The following ATP2B2 variants were observed in gnomAD, a reference collection of about 807,000 sequenced individuals.
ATP2B2 encodes ATPase plasma membrane Ca2+ transporting 2, also known as plasma membrane calcium-transporting ATPase 2.
A neutral mutation model predicts 120.0 loss-of-function variants in ATP2B2; 15 were observed. The observed-to-expected ratio is 0.12, with a 90% CI of 0.08 to 0.19. The LOEUF (loss-of-function observed/expected upper bound fraction) is 0.19, where lower values mean the gene tolerates loss of function less well. Ranked by LOEUF, ATP2B2 falls within the 10% of genes least tolerant of loss-of-function variation. The pLI is 1.00. For missense variants in ATP2B2, 1,045 were observed against 1,719.8 expected (o/e 0.61, Z 6.94); for synonymous variants, 694 against 700.3 (o/e 0.99, Z 0.14).
chr3:10,598,107 C>T (rs759131148), intron 2 of ATP2B2, among the ~76,000 whole-genome samples: 1 of 152,148 alleles, frequency 6.6e-6, no homozygotes, highest in Non-Finnish European at 1.5e-5. Context: ...ACACAAAAGT[C>T]TCATGGGAAT....
At chr3:10,439,644 T>C (rs540114971) in intron 2 of ATP2B2, among the ~76,000 whole-genome samples, 2 of 152,326 alleles carry the variant, frequency 1.3e-5, no homozygotes, top group Admixed American at 6.5e-5. Context: ...AGCATTTTTC[T>C]CCAGTATCAG....
intron 12 of ATP2B2, among the ~76,000 whole-genome samples, chr3:10,362,214 C>T (rs1057028550): frequency 6.6e-6 from 1 of 152,230 alleles, no homozygotes; most frequent in Non-Finnish European, 1.5e-5. Flanking sequence ...TCCTCGTCCT[C>T]AGTCTCCCTC....
At chr3:10,661,899 G>A (rs2070791194) in intron 1 of ATP2B2, among the ~76,000 whole-genome samples, 1 of 152,160 alleles carries the variant, frequency 6.6e-6, no homozygotes, top group South Asian at 2.1e-4. Flanking sequence ...TACCAAAAGA[G>A]AGATATAGAC....
In ATP2B2 at chr3:10,551,931, C is replaced by T. The variant is rs184732789; in HGVS notation, c.-414-17798G>A. On this transcript the variant is annotated intron_variant, in intron 2 of 21. Coordinates refer to the ATP2B2 transcript ENST00000646379. ...TAGGGCCCTCAGCAAATGGAAGTTG[C>T]GAACATTAACGCTGCTTTTGAACAA... Among the ~76,000 whole-genome samples, 270 of 152,334 alleles carry T rather than the reference C, an allele frequency of 1.8e-3. 3 individuals carry two copies. Among genetic ancestry groups the T allele is most frequent in the Middle Eastern group, 6.8e-3 (2 of 294 alleles).
chr3:10,668,552 C>T (rs1212129511), intron 1 of ATP2B2, among the ~76,000 whole-genome samples: 1 of 152,088 alleles, frequency 6.6e-6, no homozygotes, highest in Non-Finnish European at 1.5e-5. Context: ...TCCCATCCCA[C>T]AAGATTCTTT....
chr3:10,561,171 T>A (rs1698852145), intron 2 of ATP2B2, among the ~76,000 whole-genome samples: 1 of 152,222 alleles, frequency 6.6e-6, no homozygotes, highest in African/African-American at 2.4e-5. Context: ...TCCACCAGGC[T>A]GAGAGCTCCT....
At chr3:10,420,165 G>A (rs1300708958) in intron 2 of ATP2B2, among the ~76,000 whole-genome samples, 1 of 152,206 alleles carries the variant, frequency 6.6e-6, no homozygotes, top group Non-Finnish European at 1.5e-5. Flanking sequence ...AGGGCACCAC[G>A]TGCTTCATAT....
intron 1 of ATP2B2, among the ~76,000 whole-genome samples, chr3:10,631,525 A>G (rs2069865734): frequency 6.6e-6 from 1 of 152,096 alleles, no homozygotes; most frequent in African/African-American, 2.4e-5. Context: ...TCAAGCTGCC[A>G]CCCCTCTAAT....
chr3:10,451,571 C>G (rs1373056464), intron 1 of ATP2B2, among the ~76,000 whole-genome samples: 1 of 152,188 alleles, frequency 6.6e-6, no homozygotes, highest in Admixed American at 6.5e-5. Flanking sequence ...CCTTAAATGT[C>G]TTACACAAGG....
chr3:10,381,242 C>T (rs984327556), intron 8 of ATP2B2, among the ~76,000 whole-genome samples: 8 of 152,240 alleles, frequency 5.3e-5, no homozygotes, highest in Non-Finnish European at 1.2e-4. Context: ...TGTGTCTCTA[C>T]TGTAAAATTC....
Position 10,553,782 on chromosome 3 carries a change from T to C in ATP2B2, c.-414-19649A>G, listed in dbSNP as rs972659840. On this transcript the variant is annotated intron_variant, in intron 2 of 21. Transcript: ENST00000646379. Reference sequence around the variant, plus strand: ...TGGGTGTTATCGAGATAATCCAAAGTTTCTGTTGGGTAAATATCAACACTT... The same window carrying C: ...TGGGTGTTATCGAGATAATCCAAAGCTTCTGTTGGGTAAATATCAACACTT... 6.6e-5 allele frequency among the ~76,000 whole-genome samples: 10 copies of C among 152,106 alleles called. No individual in the cohort carries two copies. The East Asian group carries it at 7.7e-4, about 12-fold the overall frequency.
chr3:10,367,283 T>C (rs2061090745), intron 12 of ATP2B2, among the ~76,000 whole-genome samples: 1 of 151,976 alleles, frequency 6.6e-6, no homozygotes, highest in South Asian at 2.1e-4. Context: ...GCCCCCTGCC[T>C]GCTTGGTGAA....
In ATP2B2 at chr3:10,606,930, GAGAGAGAGGGAGAGGGAGAGGGGGA is replaced by G. The variant is rs1222538423; in HGVS notation, c.-415+12962_-415+12986del. ...ACACACACAGAGAGAGAGAGAGAGA[GAGAGAGAGGGAGAGGGAGAGGGGGA>G]GGGGGGGAGAGAGAGAGAGAGAGAA... On this transcript the variant is annotated intron_variant, in intron 2 of 21. Coordinates refer to the ATP2B2 transcript ENST00000646379. 5.2e-4 allele frequency among the ~76,000 whole-genome samples: 37 copies of G among 70,532 alleles called. 1 individual carries two copies. The highest frequency in any genetic ancestry group is 0.014 in the Middle Eastern group (2 of 138). 46.3% of individuals were successfully genotyped at this position (70,532 alleles called of 152,430 possible).
In ATP2B2 at chr3:10,345,371, C is replaced by A; in HGVS notation, c.2703+13G>T. On this transcript the variant is annotated intron_variant, in intron 18 of 22. Transcript: ENST00000360273. ...CCTCCCCCAGGCTTTGGTGTGGTCT[C>A]CTGCGGACCCACCTGCGTGATGCAG... 1 of 1,614,124 alleles carries A rather than the reference C, an allele frequency of 6.2e-7. No individual in the cohort carries two copies. The highest frequency in any genetic ancestry group is 8.5e-7 in the Non-Finnish European group (1 of 1,179,982).
rs535249358 is a variant in ATP2B2 at position 10,326,505 on chromosome 3, G to C, written c.*2309C>G. ...ACACATGACTGATCAAAGAAGTGGG[G>C]AGATGGAAAACTGTGAGAAAGGAAA... is the stretch of plus-strand genomic sequence containing the variant. On this transcript the variant is annotated 3_prime_UTR_variant, in exon 23 of 23. Transcript: ENST00000360273. 2.6e-6 allele frequency: 1 copy of C among 392,088 alleles called. No homozygotes were observed. The highest frequency in any genetic ancestry group is 3.6e-5 in the East Asian group (1 of 27,704). 24.3% of individuals were successfully genotyped at this position (392,088 alleles called of 1,614,324 possible).
rs535130243 is a variant in ATP2B2 at position 10,424,052 on chromosome 3, A to G, written c.200-13237T>C. ...TCTGTGATCTCAAGTGGCTCCTTCAATGATGCAGGACCAATGCCCCTCTCA... is the reference window on the plus strand; with the variant it reads ...TCTGTGATCTCAAGTGGCTCCTTCAGTGATGCAGGACCAATGCCCCTCTCA... On this transcript the variant is annotated intron_variant, in intron 2 of 22. Transcript: ENST00000360273. Among the ~76,000 whole-genome samples, 29 of 152,266 alleles carry G rather than the reference A, an allele frequency of 1.9e-4. 1 individual carries two copies. The highest frequency in any genetic ancestry group is 6.5e-4 in the African/African-American group (27 of 41,552).
At chr3:10,639,520 T>C (rs1366653839) in intron 1 of ATP2B2, among the ~76,000 whole-genome samples, 2 of 152,176 alleles carry the variant, frequency 1.3e-5, no homozygotes, top group African/African-American at 2.4e-5. Context: ...ATCCCTATCA[T>C]GAGGGCTTCT....
chr3:10,381,173 A>G (rs1013932981), intron 8 of ATP2B2, among the ~76,000 whole-genome samples: 3 of 152,212 alleles, frequency 2.0e-5, no homozygotes, highest in Admixed American at 1.3e-4. Context: ...AGCTGTCCCC[A>G]TGGCCTCCCA....
chr3:10,412,024 C>T (rs1255869053), intron 2 of ATP2B2, among the ~76,000 whole-genome samples: 1 of 152,242 alleles, frequency 6.6e-6, no homozygotes, highest in African/African-American at 2.4e-5. Flanking sequence ...GCCCGTGTTT[C>T]CCAGCCTGGC....
Sources: allele counts gnomAD v4.1 joint callset (sites outside exome capture counted in the v4.1 genomes callset), GRCh38; gene constraint gnomAD v4.1.1; transcripts MANE v1.5; gene names NCBI Gene and HGNC (gene_info 2026-07-23, HGNC 2026-07-21).